Variants in COL5A1 observed in about 807,000 individuals in gnomAD.
COL5A1 encodes the protein collagen alpha-1(V) chain.
Under a neutral mutation model 263.7 loss-of-function variants are expected in COL5A1, and 16 were observed. The ratio of observed to expected loss-of-function variants is 0.06; its 90% CI spans 0.04 to 0.09. The LOEUF is 0.09. Among genes scored for constraint, COL5A1 ranks in the 10% least tolerant of loss-of-function variants. The probability of loss-of-function intolerance (pLI) is 1.00; values close to 1 mark genes in which losing one functional copy is unlikely to be tolerated. For missense variants in COL5A1, 2,036 were observed against 2,540.5 expected, an observed-to-expected ratio of 0.80 and a Z score of 4.27; for synonymous variants, 1,012 against 1,004.5, an observed-to-expected ratio of 1.01 and a Z score of -0.14.
rs1193013444 is a variant in COL5A1, at chr9:134,759,422, CAT to C, written c.1935+1128_1935+1129del. Among the ~76,000 whole-genome samples, 7 of 136,098 alleles carry C rather than the reference CAT, an allele frequency of 5.1e-5. 1 individual carries two copies. The highest frequency in any genetic ancestry group is 9.2e-5 in the African/African-American group (3 of 32,510). The allele number at this position is 136,098 out of a possible 152,430, so 89.3% of individuals were successfully genotyped here. On this transcript the variant is annotated intron_variant, in intron 18 of 65. Transcript: ENST00000371817. ...ATACACACCCACACACACCCACACT[CAT>C]ACACACATGCACACACCCACACCCA...
At chr9:134,648,701 C>T (rs1056711022) in intron 1 of COL5A1, among the ~76,000 whole-genome samples, 3 of 152,224 alleles carry the variant, frequency 2.0e-5, no homozygotes, top group Admixed American at 6.5e-5. Flanking sequence ...GCCCTCTACT[C>T]GCTGGCCTGT....
intron 1 of COL5A1, among the ~76,000 whole-genome samples, chr9:134,653,843 T>C (rs28550615): frequency 6.7e-6 from 1 of 149,490 alleles, no homozygotes. Flanking sequence ...CGGGTGTCTG[T>C]AGGGCTGGGA....
At chr9:134,748,294 C>A (rs957961408) in intron 11 of COL5A1, among the ~76,000 whole-genome samples, 2 of 151,788 alleles carry the variant, frequency 1.3e-5, no homozygotes, top group African/African-American at 4.8e-5. Context: ...TATGCACATG[C>A]ACACACACAT....
intron 31 of COL5A1, among the ~76,000 whole-genome samples, chr9:134,786,339 C>A (rs574110461): frequency 6.6e-6 from 1 of 152,350 alleles, no homozygotes; most frequent in African/African-American, 2.4e-5. Flanking sequence ...GCGTGTGTGA[C>A]ACTGTGGCTC....
At chr9:134,763,163 C>A (rs1244341972) in intron 19 of COL5A1, among the ~76,000 whole-genome samples, 1 of 152,092 alleles carries the variant, frequency 6.6e-6, no homozygotes, top group African/African-American at 2.4e-5. Context: ...GTGAGGCGGG[C>A]GGGAAGGTGC....
intron 65 of COL5A1, among the ~76,000 whole-genome samples, chr9:134,840,016 T>C (rs1297590195): frequency 2.0e-5 from 3 of 152,360 alleles, no homozygotes. Flanking sequence ...TGCTGTCAAG[T>C]CCGGGGGTGC....
intron 32 of COL5A1, among the ~76,000 whole-genome samples, chr9:134,793,389 G>GT (rs531710180): frequency 1.3e-4 from 19 of 151,766 alleles, no homozygotes; most frequent in African/African-American, 3.2e-4. Flanking sequence ...GAGGCTGGGG[G>GT]GGGCATTCTG....
intron 1 of COL5A1, among the ~76,000 whole-genome samples, chr9:134,675,706 G>C (rs546030236): frequency 1.6e-4 from 24 of 152,318 alleles, no homozygotes; most frequent in African/African-American, 4.8e-4. Context: ...TCCATTTCTA[G>C]ATGGCTTTTC....
rs1284706958 is a variant in COL5A1 at position 134,642,247 on chromosome 9, GC to G, written c.65del (p.Pro22ArgfsTer22). On this transcript the variant is annotated frameshift_variant, in exon 1 of 66. Coordinates refer to ENST00000371817, the MANE Select transcript of COL5A1 (RefSeq NM_000093.5). LOFTEE classifies it high-confidence loss of function. The surrounding 1 kb of genome is among the most constrained non-coding windows in gnomAD (Gnocchi z 4.5). ...SALRPGAPLL[P>X]PLLLLLLWAP... ...CGCTCCGCCCGGGCGCCCCGCTGCT[GC>G]CCCCGCTGCTGCTGCTGCTGCTGTG... is the stretch of plus-strand genomic sequence containing the variant. 3.9e-6 allele frequency: 5 copies of G among 1,282,092 alleles called. No homozygotes were observed. Among genetic ancestry groups the G allele is most frequent in the South Asian group, 2.4e-5 (1 of 41,864 alleles). The allele number at this position is 1,282,092 out of a possible 1,614,324, so 79.4% of individuals were successfully genotyped here. A position where few individuals can be genotyped will look rare whatever the true frequency, so the allele number is the denominator to read the frequency against.
At chr9:134,769,920 C>T (rs903781605) in intron 25 of COL5A1, among the ~76,000 whole-genome samples, 1 of 152,224 alleles carries the variant, frequency 6.6e-6, no homozygotes, top group African/African-American at 2.4e-5. Flanking sequence ...AACTTGTTCT[C>T]CCTGGAATTC....
chr9:134,814,303 C>T (rs1305916675), intron 49 of COL5A1, among the ~76,000 whole-genome samples: 11 of 152,192 alleles, frequency 7.2e-5, no homozygotes, highest in Non-Finnish European at 1.5e-4. Flanking sequence ...GGCCCCTTCG[C>T]GGGGCAGCTG....
At chr9:134,822,722 C>CG (rs1564484885) in intron 59 of COL5A1, among the ~76,000 whole-genome samples, 1 of 150,332 alleles carries the variant, frequency 6.7e-6, no homozygotes, top group Non-Finnish European at 1.5e-5. Context: ...TCCGCTGCGC[C>CG]CCCCCCGCGG....
rs1056248296 is a variant in COL5A1 at position 134,792,761 on chromosome 9, GTGTGTGTGTGCGTGTGTGTACATA to G, written c.2701-2309_2701-2286del. Among the ~76,000 whole-genome samples the G allele has an allele frequency of 7.3e-4, 43 of 58,628 alleles. No individual in the cohort carries two copies. In the Middle Eastern group the frequency reaches 0.021, roughly 29 times the overall value. The allele number at this position is 58,628 out of a possible 152,430, so 38.5% of individuals were successfully genotyped here. A position where few individuals can be genotyped will look rare whatever the true frequency, so the allele number is the denominator to read the frequency against. On this transcript the variant is annotated intron_variant, in intron 32 of 65. Transcript: ENST00000371817. ...TGAGTGTCCGCATGCATGCGTGCAT[GTGTGTGTGTGCGTGTGTGTACATA>G]TGTGTGTGTGCATGTGTGCGTGCAT...
chr9:134,723,927 G>C (rs1834555014), intron 4 of COL5A1, among the ~76,000 whole-genome samples: 1 of 152,318 alleles, frequency 6.6e-6, no homozygotes, highest in South Asian at 2.1e-4. Context: ...TTAAACACAA[G>C]TTGGGGTCAC....
chr9:134,685,063 T>TTCAC (rs1832974425), intron 1 of COL5A1, among the ~76,000 whole-genome samples: 1 of 78,734 alleles, frequency 1.3e-5, no homozygotes. Flanking sequence ...CCACCATCCA[T>TTCAC]CCATCCATCC....
chr9:134,829,479 C>G (rs1180484734), intron 63 of COL5A1, among the ~76,000 whole-genome samples: 2 of 140,014 alleles, frequency 1.4e-5, no homozygotes, highest in African/African-American at 5.4e-5. Flanking sequence ...CCCGAGGGCC[C>G]AGGCCGGGCT....
intron 14 of COL5A1, among the ~76,000 whole-genome samples, chr9:134,753,298 C>G (rs1835855608): frequency 6.6e-6 from 1 of 152,180 alleles, no homozygotes; most frequent in South Asian, 2.1e-4. Context: ...CCCAGGGAGA[C>G]TTGGGCTGCC....
intron 1 of COL5A1, among the ~76,000 whole-genome samples, chr9:134,683,207 C>A (rs1832912522): frequency 6.6e-6 from 1 of 152,232 alleles, no homozygotes. Flanking sequence ...CGTGGCAGTG[C>A]TGAGGCTACA....
rs1835914436 is a variant in COL5A1 at position 134,754,836 on chromosome 9, A to C, written c.1827+510A>C. ...GAGGACACACGTTTCCCGAGTGCTG[A>C]CCACCACCCAGACAGGCTGGGGCAG... On this transcript the variant is annotated intron_variant, in intron 16 of 65. Coordinates refer to ENST00000371817, the MANE Select transcript of COL5A1 (RefSeq NM_000093.5). This position sits in a 1 kb window ranked among gnomAD's most constrained non-coding sequence, Gnocchi z 4.3. Among the ~76,000 whole-genome samples the C allele has an allele frequency of 6.6e-6, 1 of 152,076 alleles. No homozygotes were observed. Among genetic ancestry groups the C allele is most frequent in the South Asian group, 2.1e-4 (1 of 4,818 alleles).
Sources: allele counts gnomAD v4.1 joint callset (sites outside exome capture counted in the v4.1 genomes callset), GRCh38; gene constraint gnomAD v4.1.1; non-coding constraint Gnocchi (gnomAD v3.1); transcripts MANE v1.5; gene names NCBI Gene and HGNC (gene_info 2026-07-23, HGNC 2026-07-21).